Variants in NRG3 observed in about 807,000 individuals in gnomAD.
The protein encoded by NRG3 is pro-neuregulin-3, membrane-bound isoform.
In NRG3, 31 loss-of-function variants were observed where a neutral mutation model predicts 66.9. The observed-to-expected ratio is 0.46, with a 90% CI of 0.35 to 0.63. The LOEUF is 0.63. Ranked by LOEUF, NRG3 falls within the 20% of genes least tolerant of loss-of-function variation. The pLI, the probability that NRG3 is intolerant of heterozygous loss-of-function variation, is 0.00. For missense variants in NRG3, 910 were observed against 878.9 expected, an observed-to-expected ratio of 1.04 and a Z score of -0.45; for synonymous variants, 393 against 359.4, an observed-to-expected ratio of 1.09 and a Z score of -1.06.
chr10:82,327,798 A>C (rs1011263409), intron 1 of NRG3, among the ~76,000 whole-genome samples: 3 of 152,182 alleles, frequency 2.0e-5, no homozygotes, highest in Non-Finnish European at 4.4e-5. Flanking sequence ...AATTTCTCAC[A>C]GTTCCTGAAG....
At chr10:82,100,782 G>T (rs186488044) in intron 1 of NRG3, among the ~76,000 whole-genome samples, 325 of 151,934 alleles carry the variant, frequency 2.1e-3, no homozygotes, top group African/African-American at 7.5e-3. Context: ...TATTTTTTGT[G>T]CATTTTTGTG....
intron 2 of NRG3, among the ~76,000 whole-genome samples, chr10:82,726,429 C>T (rs974981330): frequency 7.2e-5 from 11 of 152,172 alleles, no homozygotes; most frequent in Admixed American, 3.3e-4. Flanking sequence ...GAGTCTTTCC[C>T]GTGCGGTTCT....
chr10:82,530,045 G>C lies in NRG3; in HGVS notation c.953+171177G>C, dbSNP rs922081284. ...AATATGGGAATTTCTTCTAGTTCAT[G>C]GAATCAAACTAAAAGTTTAGGGAGT... On this transcript the variant is annotated intron_variant, in intron 2 of 8. Coordinates refer to ENST00000372141, the MANE Select transcript of NRG3 (RefSeq NM_001010848.4). Among the ~76,000 whole-genome samples, 45 of 152,186 alleles carry C rather than the reference G, an allele frequency of 3.0e-4. 1 individual carries two copies. Among genetic ancestry groups the C allele is most frequent in the South Asian group, 4.1e-4 (2 of 4,822 alleles).
intron 1 of NRG3, among the ~76,000 whole-genome samples, chr10:81,978,920 G>A (rs970604999): frequency 2.6e-5 from 4 of 152,098 alleles, no homozygotes; most frequent in South Asian, 2.1e-4. Flanking sequence ...GCCGGGCGTG[G>A]TGGCTCATGC....
intron 1 of NRG3, among the ~76,000 whole-genome samples, chr10:82,030,976 C>T (rs2062544266): frequency 6.6e-6 from 1 of 152,050 alleles, no homozygotes; most frequent in South Asian, 2.1e-4. Context: ...CCCAAAATAC[C>T]TGATTATAAA....
intron 1 of NRG3, among the ~76,000 whole-genome samples, chr10:81,972,998 T>C (rs527934889): frequency 1.4e-4 from 22 of 152,152 alleles, no homozygotes; most frequent in Non-Finnish European, 2.8e-4. Flanking sequence ...GGCTTCGTTT[T>C]ACAGATTATT....
intron 2 of NRG3, among the ~76,000 whole-genome samples, chr10:82,590,753 G>T (rs2046937578): frequency 6.6e-6 from 1 of 152,202 alleles, no homozygotes; most frequent in African/African-American, 2.4e-5. Context: ...TCAACATCAG[G>T]TAGGGACCAG....
intron 2 of NRG3, among the ~76,000 whole-genome samples, chr10:82,454,016 A>G (rs1353603802): frequency 1.3e-5 from 2 of 152,208 alleles, no homozygotes. Flanking sequence ...TTTCATAATC[A>G]TATTTTGTTC....
At chr10:82,563,508 C>A (rs1475882451) in intron 2 of NRG3, among the ~76,000 whole-genome samples, 1 of 151,602 alleles carries the variant, frequency 6.6e-6, no homozygotes, top group Admixed American at 6.6e-5. Context: ...ATTTTTTATA[C>A]CCAGAAAACT....
chr10:82,533,207 A>T (rs1309950903), intron 2 of NRG3, among the ~76,000 whole-genome samples: 1 of 151,816 alleles, frequency 6.6e-6, no homozygotes, highest in Non-Finnish European at 1.5e-5. Context: ...GGGGTCTAAC[A>T]TATATGGTTT....
In NRG3 at chr10:82,199,336, A is replaced by G. The variant is rs11192959; in HGVS notation, c.824-159403A>G. Among the ~76,000 whole-genome samples the G allele has an allele frequency of 6.7e-3, 1,022 of 152,296 alleles. 54 individuals are homozygous for G. The East Asian group carries it at 0.14, about 21-fold the overall frequency. On this transcript the variant is annotated intron_variant, in intron 1 of 8. Coordinates refer to ENST00000372141, the MANE Select transcript of NRG3 (RefSeq NM_001010848.4). Reference sequence around the variant, plus strand: ...AACCAAAAATATGAAGCAAATTTGTAGTGCAACCTGGAAGCTTCTCTCCCT... The same window carrying G: ...AACCAAAAATATGAAGCAAATTTGTGGTGCAACCTGGAAGCTTCTCTCCCT...
chr10:81,928,495 C>T (rs1268925976), intron 1 of NRG3, among the ~76,000 whole-genome samples: 2 of 152,136 alleles, frequency 1.3e-5, no homozygotes, highest in African/African-American at 4.8e-5. Context: ...TATAAAAATC[C>T]ATCATAAAGA....
At chr10:82,422,499 G>C (rs1313135659) in intron 2 of NRG3, among the ~76,000 whole-genome samples, 1 of 151,830 alleles carries the variant, frequency 6.6e-6, no homozygotes, top group Middle Eastern at 3.2e-3. Context: ...AAAATGTATG[G>C]ATGTTAGCAA....
At chr10:82,312,846 G>A (rs1461267320) in intron 1 of NRG3, among the ~76,000 whole-genome samples, 2 of 152,010 alleles carry the variant, frequency 1.3e-5, no homozygotes, top group African/African-American at 4.8e-5. Flanking sequence ...AATAAATGGT[G>A]TTCATGAAAA....
chr10:82,512,051 G>A (rs1845225360), intron 2 of NRG3, among the ~76,000 whole-genome samples: 1 of 151,916 alleles, frequency 6.6e-6, no homozygotes, highest in African/African-American at 2.4e-5. Context: ...GAATATCGAA[G>A]ATAATTTTCT....
chr10:82,214,353 G>T (rs998636875), intron 1 of NRG3, among the ~76,000 whole-genome samples: 1 of 152,082 alleles, frequency 6.6e-6, no homozygotes, highest in African/African-American at 2.4e-5. Context: ...ATCCTGTTCT[G>T]CTGTGACATT....
At chr10:82,506,631 T>C (rs1477631061) in intron 2 of NRG3, among the ~76,000 whole-genome samples, 1 of 152,132 alleles carries the variant, frequency 6.6e-6, no homozygotes, top group African/African-American at 2.4e-5. Context: ...TTGTGATATG[T>C]AGAATCAATT....
At chr10:82,335,291 A>G (rs1361228905) in intron 1 of NRG3, among the ~76,000 whole-genome samples, 1 of 152,210 alleles carries the variant, frequency 6.6e-6, no homozygotes, top group Non-Finnish European at 1.5e-5. Context: ...TCAGCAGGAT[A>G]TAGCCAATGA....
intron 1 of NRG3, among the ~76,000 whole-genome samples, chr10:82,150,922 T>A (rs900353907): frequency 2.0e-5 from 3 of 152,222 alleles, no homozygotes; most frequent in African/African-American, 7.2e-5. Flanking sequence ...TGCTGTAAAG[T>A]AGTTCTATTT....
Sources: gnomAD v4.1 joint callset for allele counts (sites outside exome capture counted in the v4.1 genomes callset) on GRCh38, gnomAD v4.1.1 for gene constraint, MANE v1.5 for transcripts, NCBI Gene and HGNC (gene_info 2026-07-23, HGNC 2026-07-21) for gene names.